KHDRBS2: variants seen among roughly 807,000 people sequenced by gnomAD.
KHDRBS2 encodes KH RNA binding domain containing, signal transduction associated 2, also known as KH domain-containing, RNA-binding, signal transduction-associated protein 2.
KHDRBS2 carries 26 observed loss-of-function variants against 44.3 expected under a neutral mutation model. The observed-to-expected ratio is 0.59, with a 90% CI of 0.43 to 0.81. The LOEUF (loss-of-function observed/expected upper bound fraction) is 0.81. KHDRBS2 is among the 40% of genes least tolerant of loss of function. The probability of loss-of-function intolerance (pLI) is 0.00; values close to 1 mark genes in which losing one functional copy is unlikely to be tolerated. For synonymous variants in KHDRBS2, 194 were observed against 151.1 expected, an observed-to-expected ratio of 1.28 and a Z score of -2.08; for missense variants, 476 against 433.1, an observed-to-expected ratio of 1.10 and a Z score of -0.88.
intron 4 of KHDRBS2, among the ~76,000 whole-genome samples, chr6:61,947,247 C>T (rs1376659246): frequency 6.6e-6 from 1 of 152,010 alleles, no homozygotes; most frequent in Non-Finnish European, 1.5e-5. Flanking sequence ...TGTGAATTGG[C>T]AATGGAGAAG....
At chr6:62,227,422 G>C (rs1412475281) in intron 1 of KHDRBS2, among the ~76,000 whole-genome samples, 2 of 152,028 alleles carry the variant, frequency 1.3e-5, no homozygotes, top group African/African-American at 2.4e-5. Context: ...GGAGTTTTTG[G>C]GCTGAGACGA....
intron 1 of KHDRBS2, among the ~76,000 whole-genome samples, chr6:62,189,316 GACC>G (rs1440835210): frequency 1.3e-5 from 2 of 151,778 alleles, no homozygotes; most frequent in East Asian, 1.9e-4. Context: ...GCTTTCAAAT[GACC>G]ACCACTTCTT....
intron 6 of KHDRBS2, among the ~76,000 whole-genome samples, chr6:61,748,027 G>A (rs748972100): frequency 6.6e-6 from 1 of 152,156 alleles, no homozygotes; most frequent in Non-Finnish European, 1.5e-5. Context: ...GTCTCACACT[G>A]TTGCCTGAGC....
chr6:62,206,861 A>C (rs1229804608), intron 1 of KHDRBS2, among the ~76,000 whole-genome samples: 1 of 152,126 alleles, frequency 6.6e-6, no homozygotes, highest in African/African-American at 2.4e-5. Context: ...TGAAGAATAA[A>C]GTTTGACTTC....
At chr6:61,917,417 C>T (rs1807220329) in intron 4 of KHDRBS2, among the ~76,000 whole-genome samples, 1 of 151,672 alleles carries the variant, frequency 6.6e-6, no homozygotes, top group African/African-American at 2.4e-5. Flanking sequence ...CTATATGATT[C>T]AAAATATATG....
At chr6:62,055,165 T>C (rs1220494666) in intron 2 of KHDRBS2, among the ~76,000 whole-genome samples, 3 of 151,870 alleles carry the variant, frequency 2.0e-5, no homozygotes, top group African/African-American at 7.2e-5. Context: ...GGTGAAAACA[T>C]AAATCACAAA....
At chr6:62,064,801 A>G (rs1793114078) in intron 2 of KHDRBS2, among the ~76,000 whole-genome samples, 2 of 151,982 alleles carry the variant, frequency 1.3e-5, no homozygotes, top group Admixed American at 1.3e-4. Flanking sequence ...TAAACTAAAC[A>G]GCTTCTGCAC....
intron 1 of KHDRBS2, among the ~76,000 whole-genome samples, chr6:62,281,017 G>C (rs1841720694): frequency 6.6e-6 from 1 of 152,180 alleles, no homozygotes; most frequent in African/African-American, 2.4e-5. Flanking sequence ...CACCTGCTGA[G>C]AGTGAAGAAC....
chr6:61,997,821 A>G (rs1446638489), intron 3 of KHDRBS2, among the ~76,000 whole-genome samples: 1 of 152,192 alleles, frequency 6.6e-6, no homozygotes, highest in Non-Finnish European at 1.5e-5. Context: ...TTCTGTTGCC[A>G]TTCTCCAAAG....
the KHDRBS2 span, among the ~76,000 whole-genome samples, chr6:61,576,491 A>C: frequency 5.3e-5 from 8 of 152,246 alleles, no homozygotes; most frequent in African/African-American, 1.7e-4. Flanking sequence ...GGCTTTTCTA[A>C]GTATAAGATC....
intron 6 of KHDRBS2, among the ~76,000 whole-genome samples, chr6:61,777,868 T>C (rs565887356): frequency 9.9e-5 from 15 of 152,252 alleles, no homozygotes; most frequent in Non-Finnish European, 2.1e-4. Flanking sequence ...ACTTTAATTT[T>C]AGGTTCGAGG....
At chr6:61,906,163 C>T (rs1368849022) in intron 4 of KHDRBS2, among the ~76,000 whole-genome samples, 2 of 151,972 alleles carry the variant, frequency 1.3e-5, no homozygotes, top group Admixed American at 6.6e-5. Context: ...TTTTTTAAAA[C>T]GTCCAAATCT....
chr6:62,171,546 C>A (rs191073375), intron 2 of KHDRBS2, among the ~76,000 whole-genome samples: 1 of 152,048 alleles, frequency 6.6e-6, no homozygotes, highest in African/African-American at 2.4e-5. Flanking sequence ...CCCAACCTTG[C>A]GAGAGGCCAA....
chr6:61,908,374 CT>C (rs1215047341), intron 4 of KHDRBS2, among the ~76,000 whole-genome samples: 1 of 152,046 alleles, frequency 6.6e-6, no homozygotes, highest in Non-Finnish European at 1.5e-5. Flanking sequence ...GTGGCTCATA[CT>C]TGTAATCCCA....
chr6:61,774,254 T>C lies in KHDRBS2; in HGVS notation c.811-41490A>G, dbSNP rs149009755. On this transcript the variant is annotated intron_variant, in intron 6 of 8. Coordinates refer to ENST00000281156, the MANE Select transcript of KHDRBS2 (RefSeq NM_152688.4). ...TTGGGCAGTATGGCCATTTTCACGA[T>C]ATTGATTCTTCCTACCCATGAGCAT... 1.0e-2 allele frequency among the ~76,000 whole-genome samples: 1,519 copies of C among 152,320 alleles called. 7 individuals carry two copies. Among genetic ancestry groups the C allele is most frequent in the Middle Eastern group, 0.024 (7 of 294 alleles).
intron 6 of KHDRBS2, among the ~76,000 whole-genome samples, chr6:61,868,709 G>A (rs1476160433): frequency 6.6e-6 from 1 of 152,170 alleles, no homozygotes. Flanking sequence ...CCTTCAAATA[G>A]TAAAGGTGGC....
the KHDRBS2 span, among the ~76,000 whole-genome samples, chr6:61,617,597 A>T: frequency 5.0e-3 from 764 of 151,924 alleles, 10 homozygotes; most frequent in African/African-American, 0.018. Flanking sequence ...AAGAATGTTA[A>T]TTTATTTTAT....
chr6:61,954,017 A>G (rs1765350833), intron 4 of KHDRBS2, among the ~76,000 whole-genome samples: 1 of 152,198 alleles, frequency 6.6e-6, no homozygotes. Flanking sequence ...GTGAATAAAC[A>G]AGACATCAGG....
chr6:61,956,047 G>C (rs1466538584), intron 4 of KHDRBS2, among the ~76,000 whole-genome samples: 1 of 152,002 alleles, frequency 6.6e-6, no homozygotes, highest in Non-Finnish European at 1.5e-5. Flanking sequence ...ACAAAAATTA[G>C]CTGGGCGTGG....
Sources: gnomAD v4.1 joint callset for allele counts (sites outside exome capture counted in the v4.1 genomes callset) on GRCh38, gnomAD v4.1.1 for gene constraint, MANE v1.5 for transcripts, NCBI Gene and HGNC (gene_info 2026-07-23, HGNC 2026-07-21) for gene names.